Variants in APOBEC3B observed in about 807,000 individuals in gnomAD.
The protein encoded by APOBEC3B is apolipoprotein B mRNA editing enzyme catalytic subunit 3B, also known as DNA dC->dU-editing enzyme APOBEC-3B.
A neutral mutation model predicts 53.4 loss-of-function variants in APOBEC3B; 29 were observed. The observed-to-expected ratio is 0.54, with a 90% confidence interval of 0.40 to 0.74. APOBEC3B has a LOEUF of 0.74. Ranked by LOEUF, APOBEC3B falls within the 30% of genes least tolerant of loss-of-function variation. The probability of loss-of-function intolerance (pLI) is 0.00; values close to 1 mark genes in which losing one functional copy is unlikely to be tolerated. For synonymous variants in APOBEC3B, 132 were observed against 184.8 expected (o/e 0.71, Z 2.32); for missense variants, 347 against 496.2 (o/e 0.70, Z 2.86).
Position 38,989,662 on chromosome 22 carries a change from A to T in APOBEC3B, c.723+52A>T. ...GGCAGGGCCCTCCCAATCCAGGGACACTCATAGATAGAAGGTTCTGGGTGG... is the reference window on the plus strand; with the variant it reads ...GGCAGGGCCCTCCCAATCCAGGGACTCTCATAGATAGAAGGTTCTGGGTGG... On this transcript the variant is annotated intron_variant, in intron 5 of 7. Transcript: ENST00000333467. The T allele has an allele frequency of 3.4e-6, 5 of 1,475,006 alleles. 1 individual carries two copies. The highest frequency in any genetic ancestry group is 4.6e-6 in the Non-Finnish European group (5 of 1,096,796). 91.4% of individuals were successfully genotyped at this position (1,475,006 alleles called of 1,614,324 possible).
intron 5 of APOBEC3B, among the ~76,000 whole-genome samples, chr22:38,990,231 G>C (rs1326662307): frequency 2.0e-5 from 3 of 148,186 alleles, no homozygotes; most frequent in Non-Finnish European, 3.0e-5. Flanking sequence ...GAAACTGGGG[G>C]CTTCTCTGGG....
intron 4 of APOBEC3B, among the ~76,000 whole-genome samples, 197 bp from the exon 5 acceptor site, chr22:38,989,260 G>A (rs1923892187): frequency 6.7e-6 from 1 of 148,402 alleles, no homozygotes; most frequent in Admixed American, 6.9e-5. Flanking sequence ...CCGGGGCTGT[G>A]TTGACTTCCT....
Position 38,982,483 on chromosome 22 carries a change from A to T in APOBEC3B, c.17+13A>T. The T allele has an allele frequency of 1.3e-6, 2 of 1,592,718 alleles. No homozygotes were observed. The highest frequency in any genetic ancestry group is 1.7e-6 in the Non-Finnish European group (2 of 1,172,340). On this transcript the variant is annotated intron_variant, in intron 1 of 7. Coordinates refer to ENST00000333467, the MANE Select transcript of APOBEC3B (RefSeq NM_004900.5). ...ATCCACAGATCAGGTACCGCTGCCCACTCTGCCTGCTGGGCCCCTCCTGCC... is the reference window on the plus strand; with the variant it reads ...ATCCACAGATCAGGTACCGCTGCCCTCTCTGCCTGCTGGGCCCCTCCTGCC...
At position 38,982,697 on chromosome 22, in the gene APOBEC3B, G is replaced by A. The variant is rs181909898; in HGVS notation, c.17+227G>A. ...CCCTACCTGCACCAGCCCAGGCCCC[G>A]TGCTGAGACTCTCCCTTAAAGTCAT... On this transcript the variant is annotated intron_variant, in intron 1 of 7. Coordinates refer to ENST00000333467, the MANE Select transcript of APOBEC3B (RefSeq NM_004900.5). 2.2e-3 allele frequency among the ~76,000 whole-genome samples: 324 copies of A among 147,878 alleles called. 13 individuals carry two copies. The highest frequency in any genetic ancestry group is 7.7e-3 in the African/African-American group (312 of 40,726).
At chr22:38,988,762 C>CTTTCT (rs1603268464) in intron 4 of APOBEC3B, among the ~76,000 whole-genome samples, 5 of 73,714 alleles carry the variant, frequency 6.8e-5, no homozygotes, top group South Asian at 4.9e-4. Flanking sequence ...TCTTCTCTCT[C>CTTTCT]GTCTTTCTTC....
intron 4 of APOBEC3B, among the ~76,000 whole-genome samples, chr22:38,988,695 T>TTC: frequency 1.3e-5 from 1 of 75,258 alleles, no homozygotes; most frequent in Admixed American, 1.4e-4. Flanking sequence ...CTTTCTTTCT[T>TTC]TCTTTCTTTC....
intron 4 of APOBEC3B, among the ~76,000 whole-genome samples, chr22:38,988,689 C>CTTTCTTTCTTTCT (rs1300035184): frequency 5.7e-5 from 5 of 87,200 alleles, no homozygotes; most frequent in Non-Finnish European, 9.0e-5. Flanking sequence ...CTTTCTCTTT[C>CTTTCTTTCTTTCT]TTTCTTTCTT....
chr22:38,985,260 TCA>T (rs1670082741), intron 2 of APOBEC3B, among the ~76,000 whole-genome samples: 1 of 148,110 alleles, frequency 6.8e-6, no homozygotes, highest in South Asian at 2.2e-4. Flanking sequence ...AGACTGAGTT[TCA>T]CTCTTTGTTG....
Position 38,988,257 on chromosome 22 carries a change from A to G in APOBEC3B, c.570-1200A>G, listed in dbSNP as rs375397462. Among the ~76,000 whole-genome samples the G allele has an allele frequency of 3.8e-4, 56 of 148,424 alleles. 3 individuals are homozygous for G. Among genetic ancestry groups the G allele is most frequent in the Non-Finnish European group, 6.1e-4 (41 of 67,226 alleles). ...TGGTCCCAGTGCTGGTCTCTCCTCC[A>G]ATGGTACCAATTCCAGGTCTCCTTC... On this transcript the variant is annotated intron_variant, in intron 4 of 7. Coordinates refer to ENST00000333467, the MANE Select transcript of APOBEC3B (RefSeq NM_004900.5).
rs541575445 is a variant in APOBEC3B at position 38,983,511 on chromosome 22, C to A, written c.18-564C>A. Among the ~76,000 whole-genome samples, 12 of 148,532 alleles carry A rather than the reference C, an allele frequency of 8.1e-5. 1 individual carries two copies. The highest frequency in any genetic ancestry group is 2.9e-4 in the African/African-American group (12 of 40,990). ...GGAAAGGGGCCCCTGCTCCATCCGTCCCCAGCTCTGTGGCCTCGGCAGGTT... is the reference window on the plus strand; with the variant it reads ...GGAAAGGGGCCCCTGCTCCATCCGTACCCAGCTCTGTGGCCTCGGCAGGTT... On this transcript the variant is annotated intron_variant, in intron 1 of 7. Transcript: ENST00000333467.
At chr22:38,982,559 C>A in intron 1 of APOBEC3B, 89 bp downstream of exon 1, 1 of 1,492,454 alleles carries the variant, frequency 6.7e-7, no homozygotes, top group Non-Finnish European at 9.2e-7. Context: ...TCCCCCCGCC[C>A]CTGCCCCAGC....
chr22:38,983,768 C>G (rs1022127955), intron 1 of APOBEC3B, among the ~76,000 whole-genome samples: 16 of 148,938 alleles, frequency 1.1e-4, no homozygotes, highest in African/African-American at 2.4e-5. Context: ...GGGTTTTATT[C>G]TCTTTTGCAT....
At position 38,992,674 on chromosome 22, in the gene APOBEC3B, A is replaced by C; in HGVS notation, c.*229A>C. 8.1e-7 allele frequency: 1 copy of C among 1,239,256 alleles called. No homozygotes were observed. The highest frequency in any genetic ancestry group is 2.8e-5 in the Admixed American group (1 of 35,792). 76.8% of individuals were successfully genotyped at this position (1,239,256 alleles called of 1,614,324 possible). On this transcript the variant is annotated 3_prime_UTR_variant, in exon 8 of 8. Coordinates refer to ENST00000333467, the MANE Select transcript of APOBEC3B (RefSeq NM_004900.5). The stretch of plus-strand genomic sequence containing the variant: ...AGTGTACAAGAGTAAGATTATGCTC[A>C]ATATTCCCAGAATAGTTTTCAATGT...
In APOBEC3B at chr22:38,986,559, C is replaced by G; in HGVS notation, c.569+147C>G. 2 of 984,210 alleles carry G rather than the reference C, an allele frequency of 2.0e-6. 1 individual carries two copies. The highest frequency in any genetic ancestry group is 6.4e-5 in the East Asian group (2 of 31,344). 61.0% of individuals were successfully genotyped at this position (984,210 alleles called of 1,614,324 possible). A position where few individuals can be genotyped will look rare whatever the true frequency, so the allele number is the denominator to read the frequency against. On this transcript the variant is annotated intron_variant, in intron 4 of 7. Transcript: ENST00000333467. ...CACCTTCCCTTAACTCCTGGTGCTC[C>G]CTCCACACTGCCTCCTCCCTGCTTT...
At chr22:38,989,980 G>A (rs1227082855) in intron 5 of APOBEC3B, among the ~76,000 whole-genome samples, 1 of 148,842 alleles carries the variant, frequency 6.7e-6, no homozygotes, top group Non-Finnish European at 1.5e-5. Context: ...AGACAGACTG[G>A]GGCAGGAGAG....
rs1491021212 is a variant in APOBEC3B, at chr22:38,988,687, T to TTTCTCTTTCTC, written c.570-769_570-768insTCTCTTTCTCT. 1.3e-4 allele frequency among the ~76,000 whole-genome samples: 6 copies of TTTCTCTTTCTC among 45,192 alleles called. 1 individual carries two copies. The highest frequency in any genetic ancestry group is 2.6e-4 in the Non-Finnish European group (6 of 23,162). The allele number at this position is 45,192 out of a possible 152,430, so 29.6% of individuals were successfully genotyped here. On this transcript the variant is annotated intron_variant, in intron 4 of 7. Coordinates refer to ENST00000333467, the MANE Select transcript of APOBEC3B (RefSeq NM_004900.5). ...TTCCTCTCTCTTTCTCTCTTTCTCTTTCTTTCTTTCTTTCTTTCTTTCTTT... is the reference window on the plus strand; with the variant it reads ...TTCCTCTCTCTTTCTCTCTTTCTCTTTTCTCTTTCTCTCTTTCTTTCTTTCTTTCTTTCTTT...
chr22:38,984,209 A>T lies in APOBEC3B; in HGVS notation c.152A>T (p.Asp51Val), dbSNP rs1261499558. ...IKRGRSNLLW[D>V]TGVFRGQVYF... ...AGGGGCCGCTCAAATCTCCTTTGGGACACAGGGGTCTTTCGAGGCCAGGTA... is the reference window on the plus strand; with the variant it reads ...AGGGGCCGCTCAAATCTCCTTTGGGTCACAGGGGTCTTTCGAGGCCAGGTA... Residue 51 changes from aspartate to valine, a missense_variant, in exon 2 of 8, where the codon GAC (aspartate) becomes GTC (valine). Around this residue, in one of 5 missense-constraint regions of APOBEC3B, gnomAD observed 73 missense variants for 90.9 expected, o/e 0.80. Coordinates refer to ENST00000333467, the MANE Select transcript of APOBEC3B (RefSeq NM_004900.5). 1 of 1,592,078 alleles carries T rather than the reference A, an allele frequency of 6.3e-7. No homozygotes were observed. Among genetic ancestry groups the T allele is most frequent in the South Asian group, 1.1e-5 (1 of 88,546 alleles).
At chr22:38,990,447 C>T (rs1436283895) in intron 5 of APOBEC3B, among the ~76,000 whole-genome samples, 1 of 147,844 alleles carries the variant, frequency 6.8e-6, no homozygotes, top group Non-Finnish European at 1.5e-5. Flanking sequence ...ATCACAATCA[C>T]AGTCCTTGCT....
chr22:38,989,356 T>C, intron 4 of APOBEC3B, 101 bp from the exon 5 acceptor site: 1 of 1,161,778 alleles, frequency 8.6e-7, no homozygotes, highest in Non-Finnish European at 1.2e-6. Context: ...GGTGCCTCAG[T>C]ATATGGGGAG....
Sources: gnomAD v4.1 joint callset for allele counts (sites outside exome capture counted in the v4.1 genomes callset) on GRCh38, gnomAD v4.1.1 for gene constraint, gnomAD v4.1.1 regional missense constraint, MANE v1.5 for transcripts, NCBI Gene and HGNC (gene_info 2026-07-23, HGNC 2026-07-21) for gene names.